The following ATOSA variants were observed in gnomAD, a reference collection of about 807,000 sequenced individuals.
ATOSA encodes atos homolog A.
At chr15:52,592,529 A>G in the ATOSA span, among the ~76,000 whole-genome samples, 3 of 152,342 alleles carry the variant, frequency 2.0e-5, no homozygotes, top group Admixed American at 6.5e-5. Flanking sequence ...AGGTGAAATC[A>G]TAAGATTGAT....
chr15:52,584,982 T>C, the ATOSA span: 1 of 1,493,130 alleles, frequency 6.7e-7, no homozygotes, highest in South Asian at 1.2e-5. Context: ...TTAAAAATAG[T>C]GATTTGTTGA....
chr15:52,654,284 C>T, the ATOSA span, among the ~76,000 whole-genome samples: 1 of 152,014 alleles, frequency 6.6e-6, no homozygotes, highest in African/African-American at 2.4e-5. Context: ...AACTTAAATC[C>T]AACTGAGACA....
At chr15:52,700,297 C>G in the ATOSA span, among the ~76,000 whole-genome samples, 6 of 152,186 alleles carry the variant, frequency 3.9e-5, no homozygotes, top group Non-Finnish European at 7.4e-5. Flanking sequence ...GTTCCTAAAC[C>G]CACTTATTGC....
At chr15:52,623,537 C>T in the ATOSA span, among the ~76,000 whole-genome samples, 32 of 151,948 alleles carry the variant, frequency 2.1e-4, 1 homozygote, top group Non-Finnish European at 2.6e-4. Flanking sequence ...AATTAGAAGA[C>T]GACGAACAGC....
At chr15:52,612,462 T>C in the ATOSA span, among the ~76,000 whole-genome samples, 1 of 151,826 alleles carries the variant, frequency 6.6e-6, no homozygotes, top group Non-Finnish European at 1.5e-5. Flanking sequence ...CACCAAAATA[T>C]TAAAAACTCA....
the ATOSA span, among the ~76,000 whole-genome samples, chr15:52,700,044 C>T: frequency 5.3e-5 from 8 of 152,194 alleles, no homozygotes; most frequent in East Asian, 1.9e-4. Context: ...ATAAATTTTT[C>T]GAATCTAAAG....
the ATOSA span, among the ~76,000 whole-genome samples, chr15:52,652,731 G>A: frequency 3.3e-5 from 5 of 152,110 alleles, no homozygotes; most frequent in African/African-American, 7.2e-5. Context: ...AGGTATTTGT[G>A]GTAAAATGTC....
the ATOSA span, chr15:52,648,828 C>G: frequency 6.6e-6 from 1 of 152,054 alleles, no homozygotes; most frequent in Non-Finnish European, 1.5e-5. Flanking sequence ...ACTACTTCCT[C>G]AAATTTATAA....
chr15:52,660,819 T>C, the ATOSA span, among the ~76,000 whole-genome samples: 2 of 152,106 alleles, frequency 1.3e-5, no homozygotes, highest in Admixed American at 6.5e-5. Flanking sequence ...TCCCAGCTAA[T>C]TTTTTTATAT....
chr15:52,690,857 A>T, the ATOSA span, among the ~76,000 whole-genome samples: 1 of 152,230 alleles, frequency 6.6e-6, no homozygotes, highest in African/African-American at 2.4e-5. Context: ...GATACAGGTG[A>T]TTCATTAAAC....
At chr15:52,630,557 T>C in the ATOSA span, among the ~76,000 whole-genome samples, 2 of 152,178 alleles carry the variant, frequency 1.3e-5, no homozygotes, top group African/African-American at 4.8e-5. Flanking sequence ...GCTAAAGGTA[T>C]AGAGCAACAG....
chr15:52,593,961 T>C, the ATOSA span, among the ~76,000 whole-genome samples: 2 of 152,230 alleles, frequency 1.3e-5, no homozygotes, highest in African/African-American at 2.4e-5. Flanking sequence ...TCTTCTACCA[T>C]CCTACAACAG....
chr15:52,646,957 G>A, the ATOSA span, among the ~76,000 whole-genome samples: 335 of 152,218 alleles, frequency 2.2e-3, no homozygotes, highest in East Asian at 3.1e-3. Flanking sequence ...TGAGAGAAGC[G>A]ATTTAAGGTA....
chr15:52,594,408 C>T, the ATOSA span, among the ~76,000 whole-genome samples: 1 of 152,162 alleles, frequency 6.6e-6, no homozygotes, highest in African/African-American at 2.4e-5. Flanking sequence ...TTATGAGAAA[C>T]ATTTAAAACT....
At chr15:52,622,245 G>A in the ATOSA span, among the ~76,000 whole-genome samples, 4 of 152,116 alleles carry the variant, frequency 2.6e-5, no homozygotes, top group African/African-American at 9.7e-5. Context: ...TGAGAAATTG[G>A]AACTTAGTAT....
chr15:52,682,239 A>T, the ATOSA span, among the ~76,000 whole-genome samples: 1 of 152,104 alleles, frequency 6.6e-6, no homozygotes, highest in Non-Finnish European at 1.5e-5. Flanking sequence ...GTTGTCTCAT[A>T]ATAGTAGGAA....
the ATOSA span, among the ~76,000 whole-genome samples, chr15:52,699,715 T>C: frequency 6.6e-6 from 1 of 152,012 alleles, no homozygotes; most frequent in Non-Finnish European, 1.5e-5. Flanking sequence ...CAGCCTTATC[T>C]CCCCAGCGGG....
At chr15:52,630,573 G>A in the ATOSA span, among the ~76,000 whole-genome samples, 6 of 152,168 alleles carry the variant, frequency 3.9e-5, no homozygotes, top group African/African-American at 1.4e-4. Flanking sequence ...AACAGAAGTG[G>A]TCATACACTG....
chr15:52,639,190 G>T, the ATOSA span, among the ~76,000 whole-genome samples: 1 of 151,876 alleles, frequency 6.6e-6, no homozygotes, highest in African/African-American at 2.4e-5. Context: ...AAGTCTTTGG[G>T]CCTGAAAATC....
Sources: gnomAD v4.1 joint callset for allele counts (sites outside exome capture counted in the v4.1 genomes callset) on GRCh38, gnomAD v4.1.1 for gene constraint, MANE v1.5 for transcripts, NCBI Gene and HGNC (gene_info 2026-07-23, HGNC 2026-07-21) for gene names.